Variants in NHSL2 observed in about 807,000 individuals in gnomAD.
The protein encoded by NHSL2 is NHS-like protein 2.
Under a neutral mutation model 53.4 loss-of-function variants are expected in NHSL2, and 27 were observed. The observed-to-expected ratio is 0.51, with a 90% CI of 0.37 to 0.70. NHSL2 has a LOEUF of 0.70. NHSL2 is among the 30% of genes least tolerant of loss of function. NHSL2 has a pLI of 0.00. For synonymous variants in NHSL2, 408 were observed against 404.1 expected, an observed-to-expected ratio of 1.01 and a Z score of -0.12; for missense variants, 892 against 980.1, an observed-to-expected ratio of 0.91 and a Z score of 1.20.
rs2042503595 is a variant in NHSL2, at chrX:72,150,497, T to A, written c.*6923T>A. 2 of 112,460 alleles carry A rather than the reference T, an allele frequency of 1.8e-5. No homozygotes were observed. The highest frequency in any genetic ancestry group is 7.3e-4 in the South Asian group (2 of 2,755). The allele number at this position is 112,460 out of a possible 1,213,427, so 9.3% of individuals were successfully genotyped here. A position where few individuals can be genotyped will look rare whatever the true frequency, so the allele number is the denominator to read the frequency against. On this transcript the variant is annotated 3_prime_UTR_variant, in exon 8 of 8. Transcript: ENST00000633930. ...GTTAAATGCTCATGAGATATTTAGTTGTGTTCTAGAAATTTCACCTGGCTT... is the reference window on the plus strand; with the variant it reads ...GTTAAATGCTCATGAGATATTTAGTAGTGTTCTAGAAATTTCACCTGGCTT...
intron 1 of NHSL2, among the ~76,000 whole-genome samples, chrX:71,955,599 C>T (rs1264460717): frequency 1.8e-5 from 2 of 109,950 alleles, no homozygotes; most frequent in Non-Finnish European, 3.8e-5. Context: ...TAGGCCTAGC[C>T]CACACGTCTC....
At chrX:72,085,263 T>TAA (rs1250755923) in intron 1 of NHSL2, among the ~76,000 whole-genome samples, 1 of 112,019 alleles carries the variant, frequency 8.9e-6, no homozygotes, top group Admixed American at 9.4e-5. Context: ...CAAAGACACA[T>TAA]GCAGTTCTTT....
chrX:71,979,635 A>G (rs1365769568), intron 1 of NHSL2, among the ~76,000 whole-genome samples: 6 of 111,783 alleles, frequency 5.4e-5, no homozygotes, highest in Non-Finnish European at 9.4e-5. Flanking sequence ...AAATTTGTTT[A>G]AGTTCTTTGT....
At chrX:71,971,431 G>A (rs1217622151) in intron 1 of NHSL2, among the ~76,000 whole-genome samples, 1 of 111,694 alleles carries the variant, frequency 9.0e-6, no homozygotes, top group Non-Finnish European at 1.9e-5. Context: ...AGAAAAGAGA[G>A]CATGGATATA....
chrX:72,132,642 C>T (rs1197327795), intron 2 of NHSL2, among the ~76,000 whole-genome samples: 1 of 111,743 alleles, frequency 8.9e-6, no homozygotes, highest in Non-Finnish European at 1.9e-5. Flanking sequence ...GGATCTCCCA[C>T]TCTGGGCTTC....
intron 1 of NHSL2, among the ~76,000 whole-genome samples, chrX:72,006,625 T>C (rs1602306455): frequency 8.9e-6 from 1 of 112,486 alleles, no homozygotes; most frequent in Admixed American, 9.4e-5. Context: ...CCATCACGGC[T>C]TACTGCAGCC....
intron 1 of NHSL2, among the ~76,000 whole-genome samples, chrX:72,020,883 C>T (rs1046812691): frequency 2.7e-5 from 3 of 112,657 alleles, no homozygotes; most frequent in African/African-American, 9.7e-5. Flanking sequence ...TGGAGAAGAA[C>T]CTGAAATTCT....
chrX:72,123,894 G>A (rs1391359449), intron 1 of NHSL2, among the ~76,000 whole-genome samples: 1 of 111,247 alleles, frequency 9.0e-6, no homozygotes, highest in Non-Finnish European at 1.9e-5. Flanking sequence ...TGGCAGGCAG[G>A]AAGGGGAGAG....
At chrX:72,041,191 T>C in intron 1 of NHSL2, among the ~76,000 whole-genome samples, 1 of 111,935 alleles carries the variant, frequency 8.9e-6, no homozygotes, top group Middle Eastern at 4.7e-3. Flanking sequence ...GAACAGTAAG[T>C]AGCTGATATA....
chrX:72,129,783 G>A, intron 1 of NHSL2: 3 of 1,122,429 alleles, frequency 2.7e-6, no homozygotes, highest in East Asian at 6.0e-5. Context: ...GCAGGGGCGG[G>A]GGATGCAAAA....
At chrX:71,945,847 T>C (rs1384495072) in intron 1 of NHSL2, among the ~76,000 whole-genome samples, 2 of 112,092 alleles carry the variant, frequency 1.8e-5, no homozygotes, top group Non-Finnish European at 3.8e-5. Flanking sequence ...CATGCCATCT[T>C]GTTTAACCCT....
rs987520105 is a variant in NHSL2, at chrX:72,100,894, C to T, written c.281-31185C>T. The stretch of plus-strand genomic sequence containing the variant: ...AAATGGCCCTGGCCTTTCCACAAGC[C>T]GTAGCATGGCCACAGAGATATAGAA... On this transcript the variant is annotated intron_variant, in intron 1 of 7. Transcript: ENST00000633930. Among the ~76,000 whole-genome samples, 8 of 111,619 alleles carry T rather than the reference C, an allele frequency of 7.2e-5. No individual in the cohort carries two copies. In the East Asian group the frequency reaches 1.7e-3, roughly 24 times the overall value.
chrX:72,023,518 G>A (rs1355002726), intron 1 of NHSL2, among the ~76,000 whole-genome samples: 1 of 112,652 alleles, frequency 8.9e-6, no homozygotes, highest in Non-Finnish European at 1.9e-5. Flanking sequence ...GGTGGGTGAT[G>A]TAATGGGAAT....
intron 1 of NHSL2, among the ~76,000 whole-genome samples, chrX:71,921,461 G>A (rs2041658630): frequency 9.2e-6 from 1 of 108,390 alleles, no homozygotes; most frequent in African/African-American, 3.4e-5. Context: ...TAGGAAATTA[G>A]AAACATGAAA....
rs1220648470 is a variant in NHSL2 at position 71,942,972 on chromosome X, C to CTCTGTGTGTGTGTGTGTG, written c.280+31606_280+31607insCTGTGTGTGTGTGTGTGT. Among the ~76,000 whole-genome samples, 5 of 74,025 alleles carry CTCTGTGTGTGTGTGTGTG rather than the reference C, an allele frequency of 6.8e-5. 1 individual carries two copies. Among genetic ancestry groups the CTCTGTGTGTGTGTGTGTG allele is most frequent in the African/African-American group, 2.7e-4 (5 of 18,196 alleles). The allele number at this position is 74,025 out of a possible 115,157, so 64.3% of individuals were successfully genotyped here. ...GCTCTCTCTCTCTCTCTCTCTCTCT[C>CTCTGTGTGTGTGTGTGTG]TGTGTGTGTGTGTGTGTGTGTGTGT... On this transcript the variant is annotated intron_variant, in intron 1 of 7. Transcript: ENST00000633930.
In NHSL2 at chrX:72,012,261, G is replaced by C. The variant is rs578081569; in HGVS notation, c.280+100894G>C. On this transcript the variant is annotated intron_variant, in intron 1 of 7. Transcript: ENST00000633930. ...TTTATAATTTTACATTTAAGTTTCT[G>C]ATCCATTTTGTTGATTTTTTTTTTG... Among the ~76,000 whole-genome samples the C allele has an allele frequency of 5.4e-5, 6 of 111,588 alleles. No individual in the cohort carries two copies. The South Asian group carries it at 2.2e-3, about 41-fold the overall frequency.
chrX:71,950,422 G>A (rs2041815103), intron 1 of NHSL2, among the ~76,000 whole-genome samples: 1 of 112,713 alleles, frequency 8.9e-6, no homozygotes, highest in Admixed American at 9.3e-5. Flanking sequence ...GCCTGCTGGT[G>A]CACTGGGACT....
In NHSL2 at chrX:72,144,423, C is replaced by G. The variant is rs767058627; in HGVS notation, c.*849C>G. ...GTCTGTCAACAGCGATAGGCAGGAT[C>G]TGCGCCCAGCTCATGCTGCATTCTA... On this transcript the variant is annotated 3_prime_UTR_variant, in exon 8 of 8. Transcript: ENST00000633930. 1.2e-4 allele frequency: 86 copies of G among 700,322 alleles called. No homozygotes were observed. Among genetic ancestry groups the G allele is most frequent in the Non-Finnish European group, 1.6e-4 (77 of 484,627 alleles). The allele number at this position is 700,322 out of a possible 1,213,427, so 57.7% of individuals were successfully genotyped here.
chrX:71,988,053 G>T (rs2042010586), intron 1 of NHSL2, among the ~76,000 whole-genome samples: 1 of 112,327 alleles, frequency 8.9e-6, no homozygotes, highest in Non-Finnish European at 1.9e-5. Flanking sequence ...TCAACATGTA[G>T]TCTCTGGCGA....
Sources: gnomAD v4.1 joint callset for allele counts (sites outside exome capture counted in the v4.1 genomes callset) on GRCh38, gnomAD v4.1.1 for gene constraint, MANE v1.5 for transcripts, NCBI Gene and HGNC (gene_info 2026-07-23, HGNC 2026-07-21) for gene names.